Variants in CILP observed in about 807,000 individuals in gnomAD.
The protein encoded by CILP is cartilage intermediate layer protein.
Under a neutral mutation model 82.5 loss-of-function variants are expected in CILP, and 75 were observed. The observed-to-expected ratio is 0.91, with a 90% CI of 0.75 to 1.10. CILP has a LOEUF of 1.10. Among genes scored for constraint, CILP ranks in the 50% least tolerant of loss-of-function variants. The probability of loss-of-function intolerance (pLI) is 0.00; values close to 1 mark genes in which losing one functional copy is unlikely to be tolerated. For synonymous variants in CILP, 530 were observed against 580.3 expected, an observed-to-expected ratio of 0.91 and a Z score of 1.25; for missense variants, 1,479 against 1,530.8, an observed-to-expected ratio of 0.97 and a Z score of 0.56.
At position 65,198,438 on chromosome 15, in the gene CILP, G is replaced by A. The variant is rs1250073787; in HGVS notation, c.1848C>T (p.Tyr616=). 1 of 1,614,262 alleles carries A rather than the reference G, an allele frequency of 6.2e-7. No homozygotes were observed. Among genetic ancestry groups the A allele is most frequent in the Non-Finnish European group, 8.5e-7 (1 of 1,180,034 alleles). The part of the protein sequence containing the change: ...RSFYRQNGEP[Y]IGKVKASVTF... ...TCACACTGGCCTTCACTTTTCCTAT[G>A]TAGGGCTCCCCATTCTGCCTGTAGA... Residue 616 remains tyrosine, a synonymous_variant, in exon 9 of 9, where the codon TAC becomes TAT. Transcript: ENST00000261883.
Position 65,194,859 on chromosome 15 carries a change from C to CA in CILP, c.*1871_*1872insT, listed in dbSNP as rs2088344052. 1.4e-5 allele frequency: 2 copies of CA among 139,622 alleles called. No homozygotes were observed. The highest frequency in any genetic ancestry group is 2.6e-5 in the African/African-American group (1 of 37,870). The allele number at this position is 139,622 out of a possible 1,614,324, so 8.6% of individuals were successfully genotyped here. A position where few individuals can be genotyped will look rare whatever the true frequency, so the allele number is the denominator to read the frequency against. On this transcript the variant is annotated 3_prime_UTR_variant, in exon 9 of 9. Coordinates refer to ENST00000261883, the MANE Select transcript of CILP (RefSeq NM_003613.4). ...CAGCCCACCTTCCCCAGCAACCCAC[C>CA]CCCCCCCGACCCTCCCCCTCCCCCC... is the stretch of plus-strand genomic sequence containing the variant.
rs1474523268 is a variant in CILP, at chr15:65,196,904, T to A, written c.3382A>T (p.Ser1128Cys). ...GTGCTTTGGAGGTACTGGAAGGCAC[T>A]CTGGCGGCCTACTTGCCTCTCTACA... ...NCVERQVGRQ[S>C]AFQYLQSTPA... The change falls in exon 9 of 9, where the codon AGT becomes TGT. Residue 1128 changes from serine (S) to cysteine (C), a missense_variant. Transcript: ENST00000261883. 3 of 1,613,566 alleles carry A rather than the reference T, an allele frequency of 1.9e-6. No individual in the cohort carries two copies. Among genetic ancestry groups the A allele is most frequent in the Non-Finnish European group, 2.5e-6 (3 of 1,179,714 alleles).
At chr15:65,207,611 C>A in intron 3 of CILP, 61 bp downstream of exon 3, 1 of 1,448,812 alleles carries the variant, frequency 6.9e-7, no homozygotes, top group Non-Finnish European at 9.7e-7. Context: ...TTCAGAGATC[C>A]ACTTCGGAAG....
intron 8 of CILP, among the ~76,000 whole-genome samples, chr15:65,199,686 G>A (rs924080009): frequency 2.6e-5 from 4 of 152,298 alleles, no homozygotes; most frequent in Admixed American, 2.0e-4. Context: ...AGCTGGGCAT[G>A]GTGGCACACG....
rs199911017 is a variant in CILP, at chr15:65,198,345, G to A, written c.1941C>T (p.Asp647=). The A allele has an allele frequency of 4.4e-4, 705 of 1,614,100 alleles. No individual in the cohort carries two copies. Among genetic ancestry groups the A allele is most frequent in the Non-Finnish European group, 5.6e-4 (656 of 1,180,038 alleles). ...AAQTDLNFIN[D]EGDTFPLRTY... ...TCCGAAGGGGGAAAGTGTCTCCTTC[G>A]TCATTGATGAAGTTCAGGTCAGTCT... is the stretch of plus-strand genomic sequence containing the variant. The change falls in exon 9 of 9, where the codon GAC becomes GAT. Residue 647 remains aspartate, a synonymous_variant. Coordinates refer to ENST00000261883, the MANE Select transcript of CILP (RefSeq NM_003613.4).
intron 6 of CILP, 38 bp from the exon 7 acceptor site, chr15:65,203,508 G>T (rs1353609369): frequency 1.9e-5 from 26 of 1,393,710 alleles, no homozygotes; most frequent in Non-Finnish European, 2.4e-5. Context: ...TTGGGTTTTT[G>T]TGTGTGTGTG....
intron 2 of CILP, among the ~76,000 whole-genome samples, chr15:65,209,172 G>A (rs1203132321): frequency 6.6e-6 from 1 of 152,062 alleles, no homozygotes; most frequent in Non-Finnish European, 1.5e-5. Flanking sequence ...CTTTCTACGA[G>A]TTCCTTCCAG....
rs780997413 is a variant in CILP at position 65,207,624 on chromosome 15, C to T, written c.154+48G>A. On this transcript the variant is annotated intron_variant, in intron 3 of 8. Transcript: ENST00000261883. ...GCTTCAGAGATCCACTTCGGAAGCT[C>T]GTTAAAGGCTGCCCCTCCAGCCCCT... The T allele has an allele frequency of 7.8e-6, 12 of 1,540,846 alleles. No homozygotes were observed. The African/African-American group carries it at 8.2e-5, about 10-fold the overall frequency.
rs1212548062 is a variant in CILP, at chr15:65,198,873, C to T, written c.1413G>A (p.Thr471=). ...ACTCCTTGGCCACCTTGGTGGGTAG[C>T]GTGTAGCCACTGCACTGGATCTCCC... ...EEREIQCSGY[T]LPTKVAKECS... is the part of the protein sequence containing the mutation. The change falls in exon 9 of 9, where the codon ACG becomes ACA. Residue 471 remains threonine, a synonymous_variant. Coordinates refer to ENST00000261883, the MANE Select transcript of CILP (RefSeq NM_003613.4). The T allele has an allele frequency of 1.4e-5, 22 of 1,613,916 alleles. No homozygotes were observed. Among genetic ancestry groups the T allele is most frequent in the African/African-American group, 5.3e-5 (4 of 74,926 alleles).
Position 65,198,971 on chromosome 15 carries a change from C to G in CILP, c.1315G>C (p.Gly439Arg). 1 of 1,613,576 alleles carries G rather than the reference C, an allele frequency of 6.2e-7. No homozygotes were observed. The highest frequency in any genetic ancestry group is 8.5e-7 in the Non-Finnish European group (1 of 1,180,028). The change falls in exon 9 of 9, where the codon GGG becomes CGG. Residue 439 changes from glycine (G) to arginine (R), a missense_variant. Gly to Arg is a moderately radical substitution (Grantham distance 125). Transcript: ENST00000261883. ...VGRCPVKTCA[G>R]QQDNGIRCRD... is the part of the protein sequence containing the mutation. Reference sequence around the variant, plus strand: ...CACCTGATCCCATTATCCTGCTGCCCTGCACAAGTCTTAACAGGGCAGCGT... The same window carrying G: ...CACCTGATCCCATTATCCTGCTGCCGTGCACAAGTCTTAACAGGGCAGCGT...
chr15:65,201,111 A>C (rs2088445906), intron 8 of CILP, among the ~76,000 whole-genome samples: 1 of 151,626 alleles, frequency 6.6e-6, no homozygotes, highest in Non-Finnish European at 1.5e-5. Flanking sequence ...AAGCGATTCT[A>C]CTACCTCAGC....
At chr15:65,201,363 A>G (rs956829083) in intron 8 of CILP, among the ~76,000 whole-genome samples, 1 of 152,006 alleles carries the variant, frequency 6.6e-6, no homozygotes, top group African/African-American at 2.4e-5. Flanking sequence ...TCCTCAAATG[A>G]TGGCTCCATG....
chr15:65,206,103 T>C (rs762275594), intron 4 of CILP, among the ~76,000 whole-genome samples: 4 of 152,136 alleles, frequency 2.6e-5, no homozygotes, highest in Non-Finnish European at 5.9e-5. Flanking sequence ...TATAAATGCA[T>C]AGACTCTGCA....
intron 1 of CILP, among the ~76,000 whole-genome samples, chr15:65,210,359 A>C (rs2088572224): frequency 6.6e-6 from 1 of 152,188 alleles, no homozygotes; most frequent in Non-Finnish European, 1.5e-5. Context: ...ACCTCCATGA[A>C]CACATTCCCA....
Position 65,201,993 on chromosome 15 carries a change from G to A in CILP, c.1065C>T (p.Tyr355=), listed in dbSNP as rs1326201791. The change falls in exon 8 of 9, where the codon TAC becomes TAT. Residue 355 remains tyrosine (Y), a synonymous_variant. Transcript: ENST00000261883. The part of the protein sequence containing the change: ...HNDTLLDPSL[Y]KHESKLVLRK... The stretch of plus-strand genomic sequence containing the variant: ...TCAGCACCAGCTTGCTCTCATGCTT[G>A]TAGAGGGAAGGATCCAGCAATGTGT... 43 of 1,601,326 alleles carry A rather than the reference G, an allele frequency of 2.7e-5. No homozygotes were observed. Among genetic ancestry groups the A allele is most frequent in the Non-Finnish European group, 3.6e-5 (42 of 1,174,688 alleles).
chr15:65,197,200 G>A lies in CILP; in HGVS notation c.3086C>T (p.Pro1029Leu), dbSNP rs761235371. 1 of 1,614,008 alleles carries A rather than the reference G, an allele frequency of 6.2e-7. No individual in the cohort carries two copies. The highest frequency in any genetic ancestry group is 8.5e-7 in the Non-Finnish European group (1 of 1,180,012). Reference protein sequence around the residue: ...RVDRTLVKVIPQGSCRRASVN... With the variant: ...RVDRTLVKVILQGSCRRASVN... ...ACTGGCTCGACGGCAGCTGCCCTGGGGGATGACCTTCACCAGGGTGCGGTC... is the reference window on the plus strand; with the variant it reads ...ACTGGCTCGACGGCAGCTGCCCTGGAGGATGACCTTCACCAGGGTGCGGTC... Residue 1029 changes from proline to leucine, a missense_variant, in exon 9 of 9, where the codon CCC becomes CTC. By Grantham distance (98) the Pro-to-Leu change is moderately conservative. Coordinates refer to ENST00000261883, the MANE Select transcript of CILP (RefSeq NM_003613.4).
intron 5 of CILP, 117 bp from the exon 6 acceptor site, chr15:65,204,699 A>T: frequency 9.9e-7 from 1 of 1,005,864 alleles, no homozygotes; most frequent in Non-Finnish European, 1.4e-6. Flanking sequence ...ATCAGCCTGC[A>T]TGACTAACTC....
rs926047511 is a variant in CILP, at chr15:65,196,188, C to A, written c.*543G>T. 1.6e-4 allele frequency: 24 copies of A among 152,292 alleles called. No individual in the cohort carries two copies. Among genetic ancestry groups the A allele is most frequent in the African/African-American group, 5.1e-4 (21 of 41,432 alleles). 9.4% of individuals were successfully genotyped at this position (152,292 alleles called of 1,614,324 possible). On this transcript the variant is annotated 3_prime_UTR_variant, in exon 9 of 9. Coordinates refer to ENST00000261883, the MANE Select transcript of CILP (RefSeq NM_003613.4). Reference sequence around the variant, plus strand: ...ACTATGATCACCCTATATTTAATAGCTTAACTTTGAATGTGCACTAGAATT... The same window carrying A: ...ACTATGATCACCCTATATTTAATAGATTAACTTTGAATGTGCACTAGAATT...
Position 65,206,858 on chromosome 15 carries a change from A to G in CILP, c.348T>C (p.Gly116=). 1 of 1,613,926 alleles carries G rather than the reference A, an allele frequency of 6.2e-7. No homozygotes were observed. The highest frequency in any genetic ancestry group is 8.5e-7 in the Non-Finnish European group (1 of 1,179,988). Residue 116 remains glycine (G), a synonymous_variant, in exon 4 of 9, where the codon GGT becomes GGC. Transcript: ENST00000261883. ...GQVVHGSPRE[G]FWCLNREQRP... is the part of the protein sequence containing the mutation. ...GCTGCTCCCTGTTGAGGCACCAGAA[A>G]CCCTCACGGGGACTACCATGGACCA...
Sources: gnomAD v4.1 joint callset for allele counts (sites outside exome capture counted in the v4.1 genomes callset) on GRCh38, gnomAD v4.1.1 for gene constraint, MANE v1.5 for transcripts, NCBI Gene and HGNC (gene_info 2026-07-23, HGNC 2026-07-21) for gene names.